Variants in OMA1 observed in about 807,000 individuals in gnomAD.
OMA1 encodes the protein OMA1 zinc metallopeptidase.
OMA1 carries 38 observed loss-of-function variants against 30.9 expected under a neutral mutation model. The ratio of observed to expected loss-of-function variants is 1.23; its 90% confidence interval spans 0.95 to 1.61. The LOEUF is 1.61. Among genes scored for constraint, OMA1 ranks in the 40% most tolerant of loss-of-function variants. OMA1 has a pLI of 0.00. For missense variants in OMA1, 461 were observed against 349.2 expected, an observed-to-expected ratio of 1.32 and a Z score of -2.55; for synonymous variants, 173 against 121.9, an observed-to-expected ratio of 1.42 and a Z score of -2.76.
intron 7 of OMA1, among the ~76,000 whole-genome samples, chr1:58,511,390 G>C (rs1569921301): frequency 6.6e-6 from 1 of 152,112 alleles, no homozygotes; most frequent in East Asian, 1.9e-4. Context: ...GTTCATATCT[G>C]TGATCCCAGC....
chr1:58,519,147 A>G (rs1569938303), intron 7 of OMA1, among the ~76,000 whole-genome samples: 1 of 152,228 alleles, frequency 6.6e-6, no homozygotes, highest in African/African-American at 2.4e-5. Context: ...GGGTCATAAC[A>G]GAGAATTTTT....
rs368172844 is a variant in OMA1 at position 58,538,985 on chromosome 1, A to C, written c.310T>G (p.Phe104Val). The C allele has an allele frequency of 2.3e-6, 2 of 872,842 alleles. No individual in the cohort carries two copies. Among genetic ancestry groups the C allele is most frequent in the Non-Finnish European group, 4.0e-6 (2 of 501,618 alleles). 54.1% of individuals were successfully genotyped at this position (872,842 alleles called of 1,614,324 possible). ...TCTTTTATTAGCAGCTGTCTTGAAA[A>C]AGCATCATTCCATACAGTACATTTG... The part of the protein sequence containing the change: ...TSKCTVWNDA[F>V]SRQLLIKEVT... The change falls in exon 2 of 9, where the codon TTT becomes GTT. Residue 104 changes from phenylalanine (F) to valine (V), a missense_variant. Coordinates refer to ENST00000371226, the MANE Select transcript of OMA1 (RefSeq NM_145243.5).
intron 8 of OMA1, among the ~76,000 whole-genome samples, chr1:58,486,997 A>G (rs1337148167): frequency 6.6e-6 from 1 of 152,256 alleles, no homozygotes; most frequent in Non-Finnish European, 1.5e-5. Context: ...AAGTTAGATG[A>G]GAAGCCACTA....
At chr1:58,493,901 G>C (rs1362027598) in intron 8 of OMA1, among the ~76,000 whole-genome samples, 3 of 150,192 alleles carry the variant, frequency 2.0e-5, no homozygotes, top group Non-Finnish European at 4.5e-5. Flanking sequence ...TTTCTTCACA[G>C]AATTGGAAAA....
intron 2 of OMA1, 147 bp from the exon 3 acceptor site, chr1:58,536,888 A>G (rs903466895): frequency 9.2e-5 from 53 of 576,170 alleles, no homozygotes; most frequent in Non-Finnish European, 1.5e-4. Context: ...CCAATTAATA[A>G]AATTCTTAGC....
At chr1:58,481,423 T>C (rs1645480690) in intron 8 of OMA1, among the ~76,000 whole-genome samples, 1 of 152,190 alleles carries the variant, frequency 6.6e-6, no homozygotes, top group African/African-American at 2.4e-5. Flanking sequence ...CTGTAACAAC[T>C]GCCCTAATGC....
In OMA1 at chr1:58,492,217, G is replaced by A. The variant is rs539035266; in HGVS notation, c.1366-11043C>T. ...AATAAAGATGTTCTTTGAAACCAAC[G>A]AGAACAAAGACACAACATACCAGAA... On this transcript the variant is annotated intron_variant, in intron 8 of 8. Transcript: ENST00000371226. Among the ~76,000 whole-genome samples the A allele has an allele frequency of 1.7e-3, 265 of 152,132 alleles. 1 individual carries two copies. The highest frequency in any genetic ancestry group is 1.3e-3 in the African/African-American group (52 of 41,512).
At chr1:58,513,105 G>A (rs946775151) in intron 7 of OMA1, among the ~76,000 whole-genome samples, 1 of 152,102 alleles carries the variant, frequency 6.6e-6, no homozygotes, top group Non-Finnish European at 1.5e-5. Flanking sequence ...ATCCCCATGT[G>A]TCGAGGGAGG....
At chr1:58,488,820 G>A (rs143958884) in intron 8 of OMA1, among the ~76,000 whole-genome samples, 32 of 152,288 alleles carry the variant, frequency 2.1e-4, no homozygotes, top group African/African-American at 6.7e-4. Context: ...CACTGTATAC[G>A]TCTTATGCCT....
At chr1:58,517,377 T>C (rs1327977778) in intron 7 of OMA1, among the ~76,000 whole-genome samples, 2 of 152,228 alleles carry the variant, frequency 1.3e-5, no homozygotes, top group South Asian at 2.1e-4. Flanking sequence ...GAATAAGCCA[T>C]TGTTTCTCTT....
chr1:58,492,949 C>A (rs1320751885), intron 8 of OMA1, among the ~76,000 whole-genome samples: 6 of 152,066 alleles, frequency 3.9e-5, no homozygotes, highest in Non-Finnish European at 7.4e-5. Context: ...CAAAGCCTGG[C>A]AGAGACACAA....
At chr1:58,491,445 T>A (rs7523411) in intron 8 of OMA1, among the ~76,000 whole-genome samples, 1 of 151,916 alleles carries the variant, frequency 6.6e-6, no homozygotes, top group Non-Finnish European at 1.5e-5. Context: ...GGGCTAAATG[T>A]TCCAATCAAA....
intron 8 of OMA1, among the ~76,000 whole-genome samples, chr1:58,484,990 ACATTTGT>A (rs955146666): frequency 2.6e-5 from 4 of 152,094 alleles, no homozygotes; most frequent in Admixed American, 1.3e-4. Flanking sequence ...ATGTCATTAT[ACATTTGT>A]CAAAATGCAC....
At chr1:58,496,463 A>G (rs1011964145) in intron 8 of OMA1, among the ~76,000 whole-genome samples, 11 of 152,124 alleles carry the variant, frequency 7.2e-5, no homozygotes, top group African/African-American at 2.7e-4. Flanking sequence ...GTCCTCTCCC[A>G]TAAAGTAACA....
intron 7 of OMA1, among the ~76,000 whole-genome samples, chr1:58,516,348 G>A (rs1232439928): frequency 6.6e-6 from 1 of 152,160 alleles, no homozygotes; most frequent in Non-Finnish European, 1.5e-5. Context: ...TTTCTATAAT[G>A]ACTGCAAAGT....
chr1:58,541,996 T>C (rs957138554), intron 1 of OMA1, among the ~76,000 whole-genome samples: 4 of 152,212 alleles, frequency 2.6e-5, no homozygotes, highest in African/African-American at 9.6e-5. Context: ...TACGATATTA[T>C]CTAGAAAGAT....
intron 6 of OMA1, among the ~76,000 whole-genome samples, chr1:58,528,099 T>C (rs1175465871): frequency 6.6e-6 from 1 of 152,260 alleles, no homozygotes; most frequent in Admixed American, 6.5e-5. Context: ...AAATCTGATA[T>C]ACAGTATGTG....
intron 7 of OMA1, among the ~76,000 whole-genome samples, chr1:58,518,029 A>G (rs1213126991): frequency 6.6e-6 from 1 of 151,276 alleles, no homozygotes; most frequent in Non-Finnish European, 1.5e-5. Flanking sequence ...TCAACTAAAA[A>G]TACAAAATTA....
At chr1:58,544,652 T>C (rs1298240412) in intron 1 of OMA1, among the ~76,000 whole-genome samples, 1 of 152,206 alleles carries the variant, frequency 6.6e-6, no homozygotes, top group Non-Finnish European at 1.5e-5. Flanking sequence ...TGGAGTGCAG[T>C]GGTGCCACCT....
Sources: allele counts gnomAD v4.1 joint callset (sites outside exome capture counted in the v4.1 genomes callset), GRCh38; gene constraint gnomAD v4.1.1; transcripts MANE v1.5; gene names NCBI Gene and HGNC (gene_info 2026-07-23, HGNC 2026-07-21).